Variants in DST observed in about 807,000 individuals in gnomAD.
DST encodes the protein bullous pemphigoid antigen.
Under a neutral mutation model 875.2 loss-of-function variants are expected in DST, and 253 were observed. The observed-to-expected ratio is 0.29, with a 90% CI of 0.26 to 0.32. The LOEUF (loss-of-function observed/expected upper bound fraction) is 0.32, where lower values mean the gene tolerates loss of function less well. Among genes scored for constraint, DST ranks in the 10% least tolerant of loss-of-function variants. The probability of loss-of-function intolerance (pLI) is 1.00; values close to 1 mark genes in which losing one functional copy is unlikely to be tolerated. For missense variants in DST, 8,287 were observed against 9,111.6 expected (o/e 0.91, Z 3.68); for synonymous variants, 3,124 against 3,197.1 (o/e 0.98, Z 0.77).
chr6:56,702,884 A>G (rs910478475), intron 7 of DST, among the ~76,000 whole-genome samples: 1 of 152,218 alleles, frequency 6.6e-6, no homozygotes, highest in African/African-American at 2.4e-5. Flanking sequence ...AGGTGCCATA[A>G]GAAAACAGAC....
At chr6:56,834,866 GA>G (rs1327533866) in intron 4 of DST, among the ~76,000 whole-genome samples, 6 of 152,136 alleles carry the variant, frequency 3.9e-5, no homozygotes, top group African/African-American at 1.4e-4. Flanking sequence ...CAAATGACTT[GA>G]AAACATGTCC....
intron 10 of DST, among the ~76,000 whole-genome samples, chr6:56,658,880 G>T (rs1252627846): frequency 6.6e-6 from 1 of 152,180 alleles, no homozygotes; most frequent in Non-Finnish European, 1.5e-5. Context: ...ATAGGTCTGT[G>T]GTTGAAGGGC....
chr6:56,810,820 C>T (rs2099759005), intron 4 of DST, among the ~76,000 whole-genome samples: 1 of 152,084 alleles, frequency 6.6e-6, no homozygotes, highest in Admixed American at 6.6e-5. Flanking sequence ...CAAGATACAG[C>T]CTCCTTTCAG....
At chr6:56,935,250 T>G (rs1812417778) in intron 2 of DST, among the ~76,000 whole-genome samples, 1 of 151,786 alleles carries the variant, frequency 6.6e-6, no homozygotes, top group African/African-American at 2.4e-5. Flanking sequence ...TTCAAGAGAG[T>G]CTAAACAATT....
chr6:56,492,151 A>G, intron 85 of DST, 76 bp downstream of exon 85: 2 of 1,256,104 alleles, frequency 1.6e-6, no homozygotes, highest in Non-Finnish European at 2.3e-6. Context: ...TGATAAAAGT[A>G]CATCCATAAC....
In DST at chr6:56,604,940, T is replaced by C. The variant is rs768292730; in HGVS notation, c.9688A>G (p.Thr3230Ala). The C allele has an allele frequency of 1.2e-5, 19 of 1,612,736 alleles. No individual in the cohort carries two copies. The African/African-American group carries it at 2.3e-4, about 19-fold the overall frequency. ...AGAGGTGAGTCTTTTTGGGTACTAG[T>C]GGACTTCTCTTTTGTATTATTAACT... ...LGVNNTKEKS[T>A]STQKDSPLND... The change falls in exon 40 of 104, where the codon ACT becomes GCT. Residue 3230 changes from threonine to alanine, a missense_variant. This residue lies in a region of DST where 3,138 missense variants were observed against 3,116.6 expected (regional missense o/e 1.01). Transcript: ENST00000680361.
intron 9 of DST, among the ~76,000 whole-genome samples, chr6:56,697,499 A>G (rs1269623763): frequency 6.6e-6 from 1 of 152,258 alleles, no homozygotes; most frequent in Admixed American, 6.5e-5. Context: ...CCTGTCACCG[A>G]AAAAGATTTA....
At chr6:56,481,939 G>T in intron 90 of DST, 111 bp downstream of exon 90, 2 of 1,230,914 alleles carry the variant, frequency 1.6e-6, no homozygotes, top group Non-Finnish European at 2.3e-6. Context: ...AGGTGTTTAA[G>T]TATTTCTCAG....
At chr6:56,935,572 T>A (rs969103171) in intron 2 of DST, among the ~76,000 whole-genome samples, 2 of 152,220 alleles carry the variant, frequency 1.3e-5, no homozygotes, top group African/African-American at 4.8e-5. Context: ...AATCTGCAAG[T>A]AGTTCTTTAA....
chr6:56,829,335 A>C (rs1456442141), intron 4 of DST, among the ~76,000 whole-genome samples: 1 of 152,240 alleles, frequency 6.6e-6, no homozygotes, highest in Non-Finnish European at 1.5e-5. Flanking sequence ...ATGTAATGAG[A>C]GTAAAAACAC....
chr6:56,661,664 G>A (rs1307666971), intron 10 of DST, among the ~76,000 whole-genome samples: 1 of 151,372 alleles, frequency 6.6e-6, no homozygotes, highest in Non-Finnish European at 1.5e-5. Context: ...TCAGCTCACT[G>A]CAACCTCCGC....
At chr6:56,573,614 C>T (rs952851333) in intron 51 of DST, 65 bp downstream of exon 51, 5 of 1,228,176 alleles carry the variant, frequency 4.1e-6, no homozygotes, top group African/African-American at 3.0e-5. Flanking sequence ...TCTAACTACA[C>T]TTTGAGCTTA....
chr6:56,954,602 G>A lies in DST; in HGVS notation c.-15C>T, dbSNP rs1439893885. 7.5e-7 allele frequency: 1 copy of A among 1,334,412 alleles called. No homozygotes were observed. Among genetic ancestry groups the A allele is most frequent in the Admixed American group, 2.0e-5 (1 of 49,002 alleles). 82.7% of individuals were successfully genotyped at this position (1,334,412 alleles called of 1,614,324 possible). ...GCGGCGATCATGGTGCGGGCGAGGC[G>A]AGGGCGACTCGACGGCGGGGCTGGA... On this transcript the variant is annotated 5_prime_UTR_variant, in exon 1 of 104. Transcript: ENST00000680361.
chr6:56,739,814 G>A (rs1445693852), intron 4 of DST, among the ~76,000 whole-genome samples: 1 of 151,826 alleles, frequency 6.6e-6, no homozygotes, highest in Non-Finnish European at 1.5e-5. Context: ...GGTCTACAAG[G>A]AGGAGGCATG....
chr6:56,688,121 A>C (rs1325591664), intron 9 of DST, among the ~76,000 whole-genome samples: 1 of 152,212 alleles, frequency 6.6e-6, no homozygotes, highest in Non-Finnish European at 1.5e-5. Context: ...TTATTCTAAA[A>C]CTATATTTTC....
intron 80 of DST, among the ~76,000 whole-genome samples, chr6:56,498,940 G>A (rs2152454994): frequency 6.6e-6 from 1 of 152,226 alleles, no homozygotes; most frequent in East Asian, 1.9e-4. Context: ...CTTTTATACA[G>A]TGGAAATATA....
chr6:56,460,139 T>G lies in DST; in HGVS notation c.23186A>C (p.Gln7729Pro). The change falls in exon 103 of 104, where the codon CAG (glutamine) becomes CCG (proline). Residue 7729 changes from glutamine (Q) to proline (P), a missense_variant. By Grantham distance (76) the Gln-to-Pro change is moderately conservative. This residue lies in a region of DST where 240 missense variants were observed against 237.3 expected (regional missense o/e 1.01). Transcript: ENST00000680361. ...AAAGGCACCACACTCACCAGCAAACTGTGTTCGGACTCTGGCAGCTGCAGT... is the reference window on the plus strand; with the variant it reads ...AAAGGCACCACACTCACCAGCAAACGGTGTTCGGACTCTGGCAGCTGCAGT... Reference protein sequence around the residue: ...ITTAAARVRTQFADSKKTPSR... With the variant: ...ITTAAARVRTPFADSKKTPSR... The G allele has an allele frequency of 6.2e-7, 1 of 1,611,594 alleles. No individual in the cohort carries two copies.
intron 5 of DST, among the ~76,000 whole-genome samples, chr6:56,707,339 G>T (rs1009205315): frequency 6.6e-6 from 1 of 152,168 alleles, no homozygotes; most frequent in East Asian, 1.9e-4. Context: ...ACTTCTCTGC[G>T]TATCTTCAAT....
chr6:56,555,941 G>A (rs1278212657), intron 59 of DST, 101 bp from the exon 60 acceptor site: 2 of 1,258,288 alleles, frequency 1.6e-6, no homozygotes, highest in Non-Finnish European at 2.1e-6. Flanking sequence ...TATTTCTCCA[G>A]TTTTTGTTTT....
Sources: gnomAD v4.1 joint callset for allele counts (sites outside exome capture counted in the v4.1 genomes callset) on GRCh38, gnomAD v4.1.1 for gene constraint, gnomAD v4.1.1 regional missense constraint, MANE v1.5 for transcripts, NCBI Gene and HGNC (gene_info 2026-07-23, HGNC 2026-07-21) for gene names.